PDE1A: variants seen among roughly 807,000 people sequenced by gnomAD.
PDE1A encodes dual specificity calcium/calmodulin-dependent 3',5'-cyclic nucleotide phosphodiesterase 1A.
Under a neutral mutation model 61.7 loss-of-function variants are expected in PDE1A, and 35 were observed. That is an observed-to-expected ratio of 0.57 (90% CI 0.43 to 0.75). The LOEUF is 0.75. PDE1A is among the 30% of genes least tolerant of loss of function. The pLI is 0.00. For missense variants in PDE1A, 597 were observed against 630.6 expected (o/e 0.95, Z 0.57); for synonymous variants, 232 against 213.2 (o/e 1.09, Z -0.77).
chr2:182,711,991 T>C, the PDE1A span, among the ~76,000 whole-genome samples: 26 of 152,316 alleles, frequency 1.7e-4, no homozygotes, highest in African/African-American at 6.3e-4. Context: ...CTCAGACATC[T>C]CTATAATGAA....
intron 1 of PDE1A, among the ~76,000 whole-genome samples, chr2:182,408,122 G>A (rs1188560635): frequency 1.4e-5 from 2 of 144,514 alleles, no homozygotes; most frequent in East Asian, 2.2e-4. Context: ...AATCACTGGT[G>A]TAAGTCACTG....
chr2:182,180,525 C>A (rs1684667185), intron 13 of PDE1A, among the ~76,000 whole-genome samples: 1 of 151,978 alleles, frequency 6.6e-6, no homozygotes, highest in South Asian at 2.1e-4. Context: ...ACATTTTTTC[C>A]TTTGTTTCAA....
At chr2:182,241,721 T>G in intron 2 of PDE1A, 2 of 734,992 alleles carry the variant, frequency 2.7e-6, no homozygotes, top group Non-Finnish European at 4.0e-6. Context: ...TAAACATAAG[T>G]TCTGGAGTCA....
the PDE1A span, among the ~76,000 whole-genome samples, chr2:182,591,505 C>A: frequency 6.6e-6 from 1 of 152,280 alleles, no homozygotes; most frequent in Non-Finnish European, 1.5e-5. Flanking sequence ...CATTCTAGAC[C>A]TGGGATACCA....
chr2:182,475,294 T>C (rs1687283506), intron 2 of PDE1A, among the ~76,000 whole-genome samples: 1 of 151,838 alleles, frequency 6.6e-6, no homozygotes, highest in African/African-American at 2.4e-5. Flanking sequence ...AGGTGCAGAC[T>C]AAGGCCATCA....
chr2:182,398,103 A>T (rs1342006930), intron 1 of PDE1A, among the ~76,000 whole-genome samples: 2 of 152,082 alleles, frequency 1.3e-5, no homozygotes, highest in East Asian at 3.9e-4. Context: ...AAAAAATGAC[A>T]AAAAGAGAGA....
chr2:182,185,738 T>A, intron 13 of PDE1A, 154 bp downstream of exon 13: 2 of 1,416,706 alleles, frequency 1.4e-6, no homozygotes, highest in Non-Finnish European at 1.9e-6. Flanking sequence ...ATGAGCCAAC[T>A]TTCTCATGAA....
the PDE1A span, among the ~76,000 whole-genome samples, chr2:182,672,633 C>A: frequency 6.6e-6 from 1 of 152,230 alleles, no homozygotes; most frequent in African/African-American, 2.4e-5. Context: ...ATCAAAAAGA[C>A]AAATGTGGGC....
intron 1 of PDE1A, among the ~76,000 whole-genome samples, chr2:182,300,747 C>A (rs1227362385): frequency 6.6e-6 from 1 of 152,150 alleles, no homozygotes; most frequent in Non-Finnish European, 1.5e-5. Context: ...ACTGAACAAA[C>A]AAATGGATAG....
At chr2:182,179,846 A>G (rs1684601488) in intron 13 of PDE1A, among the ~76,000 whole-genome samples, 1 of 152,200 alleles carries the variant, frequency 6.6e-6, no homozygotes, top group Non-Finnish European at 1.5e-5. Context: ...AAGAGGGTGA[A>G]GTAGATAATA....
intron 12 of PDE1A, 61 bp from the exon 13 acceptor site, chr2:182,186,140 A>C: frequency 6.4e-7 from 1 of 1,553,182 alleles, no homozygotes; most frequent in East Asian, 2.3e-5. Context: ...AACAAGGAAA[A>C]CCTGAAAAAC....
chr2:182,151,129 C>G (rs1198257388), intron 13 of PDE1A, among the ~76,000 whole-genome samples: 1 of 152,182 alleles, frequency 6.6e-6, no homozygotes, highest in Non-Finnish European at 1.5e-5. Context: ...CTCTTGTTGT[C>G]CAGGCTGGAG....
intron 2 of PDE1A, among the ~76,000 whole-genome samples, chr2:182,505,668 C>G (rs976520252): frequency 1.3e-5 from 2 of 152,204 alleles, no homozygotes; most frequent in East Asian, 3.8e-4. Context: ...CTTCACACGC[C>G]AGTTTGAGGG....
At chr2:182,572,524 T>C in the PDE1A span, among the ~76,000 whole-genome samples, 1 of 152,182 alleles carries the variant, frequency 6.6e-6, no homozygotes, top group African/African-American at 2.4e-5. Context: ...CTGGACTTGC[T>C]AGGAAATTTT....
At chr2:182,380,377 GC>G (rs1014635212) in intron 1 of PDE1A, among the ~76,000 whole-genome samples, 2 of 151,754 alleles carry the variant, frequency 1.3e-5, no homozygotes, top group African/African-American at 4.8e-5. Flanking sequence ...CTCCCAAAGT[GC>G]TGGGATTACA....
the PDE1A span, among the ~76,000 whole-genome samples, chr2:182,712,715 C>T: frequency 1.3e-5 from 2 of 152,050 alleles, no homozygotes; most frequent in Non-Finnish European, 2.9e-5. Flanking sequence ...CACCACCACG[C>T]CTGGCTAATT....
the PDE1A span, among the ~76,000 whole-genome samples, chr2:182,621,414 C>T: frequency 1.3e-5 from 2 of 152,082 alleles, no homozygotes; most frequent in African/African-American, 2.4e-5. Context: ...AGGGGCTGAG[C>T]CTTTTGGAAA....
At chr2:182,619,030 C>T in the PDE1A span, among the ~76,000 whole-genome samples, 1 of 103,282 alleles carries the variant, frequency 9.7e-6, no homozygotes, top group African/African-American at 3.6e-5. Context: ...GACTCCTCTG[C>T]AAAAAAAAAA....
chr2:182,431,980 A>T (rs1019826717), upstream of PDE1A, among the ~76,000 whole-genome samples: 1 of 152,102 alleles, frequency 6.6e-6, no homozygotes, highest in African/African-American at 2.4e-5. Context: ...GGTTTACTTG[A>T]TATCAAGGTG....
Sources: gnomAD v4.1 joint callset for allele counts (sites outside exome capture counted in the v4.1 genomes callset) on GRCh38, gnomAD v4.1.1 for gene constraint, MANE v1.5 for transcripts, NCBI Gene and HGNC (gene_info 2026-07-23, HGNC 2026-07-21) for gene names.